Variants in CENPP observed in about 807,000 individuals in gnomAD.
CENPP encodes centromere protein P.
Under a neutral mutation model 35.6 loss-of-function variants are expected in CENPP, and 24 were observed. The ratio of observed to expected loss-of-function variants is 0.67; its 90% CI spans 0.49 to 0.95. CENPP has a LOEUF of 0.95. Ranked by LOEUF, CENPP falls within the 40% of genes least tolerant of loss-of-function variation. The pLI is 0.00. For missense variants in CENPP, 332 were observed against 345.3 expected (o/e 0.96, Z 0.31); for synonymous variants, 120 against 125.5 (o/e 0.96, Z 0.29).
At chr9:92,374,699 G>A (rs2130859005) in intron 4 of CENPP, among the ~76,000 whole-genome samples, 1 of 152,232 alleles carries the variant, frequency 6.6e-6, no homozygotes, top group South Asian at 2.1e-4. Context: ...TTTGTTTTAT[G>A]CATTTGTCTT....
chr9:92,589,704 T>G lies in CENPP; in HGVS notation c.565-21610T>G, dbSNP rs949234528. ...TAATGGGTGTGAAGTGATTCTCTTA[T>G]GCGTTTACGAAAGATTTCAACTAAG... On this transcript the variant is annotated intron_variant, in intron 5 of 7. Transcript: ENST00000375587. Among the ~76,000 whole-genome samples, 8 of 152,242 alleles carry G rather than the reference T, an allele frequency of 5.3e-5. 1 individual carries two copies. The highest frequency in any genetic ancestry group is 5.2e-4 in the Admixed American group (8 of 15,290).
chr9:92,404,361 A>G (rs865934987), intron 5 of CENPP: 2 of 440,040 alleles, frequency 4.5e-6, no homozygotes, highest in Non-Finnish European at 7.4e-6. Context: ...TGATATACAT[A>G]AGTACTTCTT....
intron 4 of CENPP, among the ~76,000 whole-genome samples, chr9:92,355,726 A>G (rs1285417019): frequency 6.6e-6 from 1 of 152,230 alleles, no homozygotes; most frequent in Non-Finnish European, 1.5e-5. Context: ...ATATGCATAA[A>G]TTCTCAATAT....
At chr9:92,525,511 G>A (rs953698655) in intron 5 of CENPP, among the ~76,000 whole-genome samples, 11 of 152,122 alleles carry the variant, frequency 7.2e-5, no homozygotes, top group East Asian at 1.9e-4. Context: ...GCCTAGAGAC[G>A]TCACAGCATC....
At chr9:92,374,682 A>G (rs1842086344) in intron 4 of CENPP, among the ~76,000 whole-genome samples, 1 of 152,216 alleles carries the variant, frequency 6.6e-6, no homozygotes, top group South Asian at 2.1e-4. Flanking sequence ...AACATAGATT[A>G]GTAATTTTTG....
At chr9:92,514,771 G>C in intron 5 of CENPP, 1 of 1,614,044 alleles carries the variant, frequency 6.2e-7, no homozygotes, top group Non-Finnish European at 8.5e-7. Context: ...AGCAGGAAGC[G>C]GGGATCGAGA....
At chr9:92,373,944 C>T (rs1413906391) in intron 4 of CENPP, among the ~76,000 whole-genome samples, 1 of 152,012 alleles carries the variant, frequency 6.6e-6, no homozygotes, top group Non-Finnish European at 1.5e-5. Context: ...TCTTGCTTTT[C>T]ATGTACCTGT....
intron 2 of CENPP, among the ~76,000 whole-genome samples, chr9:92,332,816 A>T (rs780234723): frequency 6.6e-6 from 1 of 152,042 alleles, no homozygotes; most frequent in South Asian, 2.1e-4. Flanking sequence ...TAAAACAAAA[A>T]AAAAAAGGGC....
chr9:92,418,093 C>G (rs3118008), intron 5 of CENPP, among the ~76,000 whole-genome samples: 2 of 150,904 alleles, frequency 1.3e-5, no homozygotes, highest in African/African-American at 4.9e-5. Context: ...TTTTCTTTTT[C>G]TTTTTATTTT....
In CENPP at chr9:92,619,894, A is replaced by C. The variant is rs1851572811; in HGVS notation, c.*6745A>C. On this transcript the variant is annotated 3_prime_UTR_variant, in exon 8 of 8. Coordinates refer to ENST00000375587, the MANE Select transcript of CENPP (RefSeq NM_001012267.3). ...ACAGTCGGCCTTTGGAAGGAAAAGCAGTAAGCCACCTGAGCCCCGCATGTT... is the reference window on the plus strand; with the variant it reads ...ACAGTCGGCCTTTGGAAGGAAAAGCCGTAAGCCACCTGAGCCCCGCATGTT... 2.8e-6 allele frequency: 1 copy of C among 356,156 alleles called. No individual in the cohort carries two copies. The highest frequency in any genetic ancestry group is 5.4e-6 in the Non-Finnish European group (1 of 185,748). The allele number at this position is 356,156 out of a possible 1,614,324, so 22.1% of individuals were successfully genotyped here.
chr9:92,416,991 T>A, intron 5 of CENPP: 1 of 1,614,032 alleles, frequency 6.2e-7, no homozygotes, highest in Non-Finnish European at 8.5e-7. Flanking sequence ...AGATCAAGCA[T>A]GGTCAAGTTT....
At chr9:92,516,708 ACT>A (rs1041054573) in intron 5 of CENPP, 1 of 152,142 alleles carries the variant, frequency 6.6e-6, no homozygotes, top group Non-Finnish European at 1.5e-5. Context: ...AGAATTTGTG[ACT>A]CTTACTTTGT....
chr9:92,454,120 T>C (rs2131027856), intron 5 of CENPP, among the ~76,000 whole-genome samples: 1 of 152,366 alleles, frequency 6.6e-6, no homozygotes, highest in East Asian at 1.9e-4. Flanking sequence ...ATATTTTGTA[T>C]TCACCAGAAA....
At chr9:92,341,419 G>A (rs1265985254) in intron 3 of CENPP, among the ~76,000 whole-genome samples, 1 of 152,092 alleles carries the variant, frequency 6.6e-6, no homozygotes, top group Non-Finnish European at 1.5e-5. Flanking sequence ...GGTTTTTGTG[G>A]CTCGTGGGGC....
At chr9:92,525,819 G>A (rs1466018154) in intron 5 of CENPP, among the ~76,000 whole-genome samples, 1 of 151,042 alleles carries the variant, frequency 6.6e-6, no homozygotes, top group African/African-American at 2.4e-5. Context: ...AAACCCGGGA[G>A]GCGGAGGTTG....
intron 5 of CENPP, among the ~76,000 whole-genome samples, chr9:92,513,564 A>G (rs1438283385): frequency 6.6e-6 from 1 of 152,234 alleles, no homozygotes; most frequent in Non-Finnish European, 1.5e-5. Context: ...TTTAACTGAT[A>G]GGAAACCCTG....
chr9:92,347,328 T>G (rs1841319680), intron 4 of CENPP, among the ~76,000 whole-genome samples: 1 of 152,224 alleles, frequency 6.6e-6, no homozygotes, highest in South Asian at 2.1e-4. Flanking sequence ...GGAAGAGTAG[T>G]GAGATATCTC....
At chr9:92,401,384 T>C (rs762420803) in intron 5 of CENPP, among the ~76,000 whole-genome samples, 22 of 152,206 alleles carry the variant, frequency 1.4e-4, no homozygotes, top group Non-Finnish European at 2.6e-4. Flanking sequence ...TTCTAGACTA[T>C]GAGCTCCTTG....
chr9:92,416,664 G>C, intron 5 of CENPP: 1 of 1,604,760 alleles, frequency 6.2e-7, no homozygotes, highest in Admixed American at 1.7e-5. Context: ...AAATTTCTTG[G>C]AATATAGAAT....
Sources: allele counts gnomAD v4.1 joint callset (sites outside exome capture counted in the v4.1 genomes callset), GRCh38; gene constraint gnomAD v4.1.1; transcripts MANE v1.5; gene names NCBI Gene and HGNC (gene_info 2026-07-23, HGNC 2026-07-21).